CROCC2: variants seen among roughly 807,000 people sequenced by gnomAD.
CROCC2 encodes ciliary rootlet coiled-coil, rootletin family member 2, also known as ciliary rootlet coiled-coil protein 2.
CROCC2 carries 163 observed loss-of-function variants against 177.6 expected under a neutral mutation model. The ratio of observed to expected loss-of-function variants is 0.92; its 90% CI spans 0.81 to 1.05. The LOEUF is 1.05. Among genes scored for constraint, CROCC2 ranks in the 50% least tolerant of loss-of-function variants. CROCC2 has a pLI of 0.00. For synonymous variants in CROCC2, 904 were observed against 787.3 expected (o/e 1.15, Z -2.48); for missense variants, 1,929 against 1,797.8 (o/e 1.07, Z -1.32).
At chr2:240,975,719 CTTTTTTTTTTTTTTTT>C (rs55896940) in intron 27 of CROCC2, among the ~76,000 whole-genome samples, 1 of 88,008 alleles carries the variant, frequency 1.1e-5, no homozygotes, top group Non-Finnish European at 2.2e-5. Context: ...AACCAGCCTG[CTTTTTTTTTTTTTTTT>C]TTTTTTTTTT....
chr2:240,920,072 C>T lies in CROCC2; in HGVS notation c.319C>T (p.Leu107=), dbSNP rs1574747307. ...GGAGCTGACCCGGCTGGGGGACCTG[C>T]TGGCCCAGGCCAGCGCCGAGCGAGA... ...QEELTRLGDL[L]AQASAERDEL... is the part of the protein sequence containing the mutation. The change falls in exon 3 of 32, where the codon CTG becomes TTG. Residue 107 remains leucine, a synonymous_variant. Coordinates refer to ENST00000690015, the MANE Select transcript of CROCC2 (RefSeq NM_001351305.2). The T allele has an allele frequency of 1.4e-6, 1 of 715,180 alleles. No homozygotes were observed. The allele number at this position is 715,180 out of a possible 1,614,324, so 44.3% of individuals were successfully genotyped here. A position where few individuals can be genotyped will look rare whatever the true frequency, so the allele number is the denominator to read the frequency against.
intron 13 of CROCC2, 40 bp from the exon 14 acceptor site, chr2:240,935,318 T>TG (rs1471645243): frequency 1.5e-6 from 2 of 1,322,668 alleles, no homozygotes; most frequent in Non-Finnish European, 9.7e-7. Context: ...GGACCGAGGA[T>TG]GGGGGGAGTG....
chr2:240,968,930 A>G (rs1245383952), intron 27 of CROCC2, among the ~76,000 whole-genome samples: 1 of 152,156 alleles, frequency 6.6e-6, no homozygotes, highest in Non-Finnish European at 1.5e-5. Flanking sequence ...CCACAGGTCC[A>G]AGCAGCCCCC....
At chr2:240,923,040 C>T (rs1478737109) in intron 4 of CROCC2, among the ~76,000 whole-genome samples, 7 of 152,056 alleles carry the variant, frequency 4.6e-5, no homozygotes, top group African/African-American at 7.3e-5. Context: ...AGCTGCATCA[C>T]GATTGTACCC....
intron 14 of CROCC2, among the ~76,000 whole-genome samples, chr2:240,937,469 C>T (rs1005549996): frequency 6.6e-6 from 1 of 152,088 alleles, no homozygotes. Flanking sequence ...GTTGTGGCTG[C>T]CTGTACATTT....
intron 28 of CROCC2, 63 bp downstream of exon 28, chr2:240,983,092 A>C (rs1428247200): frequency 6.9e-7 from 1 of 1,456,240 alleles, no homozygotes; most frequent in African/African-American, 1.4e-5. Flanking sequence ...GCCTACAGGG[A>C]AGAGGCCCTG....
In CROCC2 at chr2:240,949,080, C is replaced by A. The variant is rs917550433; in HGVS notation, c.2465C>A (p.Ala822Glu). ...LEEEARSAGL[A>E]RQALQVEMEQ... ...GAGGAAGCCCGGAGCGCAGGACTCG[C>A]GCGGCAGGCCTTGCAAGGTGCTCCA... The change falls in exon 16 of 32, where the codon GCG becomes GAG. Residue 822 changes from alanine to glutamate, a missense_variant. By Grantham distance (107) the Ala-to-Glu change is moderately radical. Transcript: ENST00000690015. This position sits in a 1 kb window ranked among gnomAD's most constrained non-coding sequence, Gnocchi z 4.5. 6.5e-7 allele frequency: 1 copy of A among 1,544,466 alleles called. No homozygotes were observed. The highest frequency in any genetic ancestry group is 1.4e-5 in the African/African-American group (1 of 72,770).
At chr2:240,961,441 A>C (rs2059632602) in intron 20 of CROCC2, among the ~76,000 whole-genome samples, 2 of 151,970 alleles carry the variant, frequency 1.3e-5, no homozygotes, top group African/African-American at 4.8e-5. Flanking sequence ...GTGTGCGCAC[A>C]CATGCACATA....
Position 240,972,349 on chromosome 2 carries a change from G to A in CROCC2, c.4401+4087G>A, listed in dbSNP as rs2059726746. On this transcript the variant is annotated intron_variant, in intron 27 of 31. Coordinates refer to ENST00000690015, the MANE Select transcript of CROCC2 (RefSeq NM_001351305.2). The surrounding 1 kb of genome is among the most constrained non-coding windows in gnomAD (Gnocchi z 7.1). ...CCCGGAGCTGTTCTGTTCCTGAAGT[G>A]GGCGGGGTGGGAGCGGCGCTCTCCG... Among the ~76,000 whole-genome samples, 1 of 152,144 alleles carries A rather than the reference G, an allele frequency of 6.6e-6. No individual in the cohort carries two copies. The highest frequency in any genetic ancestry group is 2.1e-4 in the South Asian group (1 of 4,822).
intron 19 of CROCC2, chr2:240,959,099 TG>T: frequency 1.7e-6 from 1 of 578,756 alleles, no homozygotes; most frequent in Non-Finnish European, 3.0e-6. Context: ...TCAGGGGCCG[TG>T]GATGTCTCCT....
intron 14 of CROCC2, among the ~76,000 whole-genome samples, chr2:240,935,798 C>T (rs934757131): frequency 1.3e-5 from 2 of 152,198 alleles, no homozygotes; most frequent in African/African-American, 2.4e-5. Flanking sequence ...CAGGCCTGGC[C>T]ACCATATCCA....
rs1271907230 is a variant in CROCC2 at position 240,988,857 on chromosome 2, A to G, written c.4670A>G (p.Asn1557Ser). 12 of 1,485,548 alleles carry G rather than the reference A, an allele frequency of 8.1e-6. No individual in the cohort carries two copies. The highest frequency in any genetic ancestry group is 1.8e-4 in the Middle Eastern group (1 of 5,694). 92.0% of individuals were successfully genotyped at this position (1,485,548 alleles called of 1,614,324 possible). The change falls in exon 29 of 32, where the codon AAT becomes AGT. Residue 1557 changes from asparagine to serine, a missense_variant. Physicochemically the swap from Asn to Ser is conservative, Grantham distance 46. Around this residue, in one of 3 missense-constraint regions of CROCC2, gnomAD observed 388 missense variants for 352.7 expected, o/e 1.10. Transcript: ENST00000690015. ...HQEVDGALRQ[N>S]QQLQAQMTEM... is the part of the protein sequence containing the mutation. Reference sequence around the variant, plus strand: ...GAGGTGGACGGAGCCCTGAGGCAAAATCAGCAGCTGCAGGTCAACTGGGCC... The same window carrying G: ...GAGGTGGACGGAGCCCTGAGGCAAAGTCAGCAGCTGCAGGTCAACTGGGCC...
At chr2:240,909,519 C>T (rs2059274366) in intron 1 of CROCC2, among the ~76,000 whole-genome samples, 1 of 152,206 alleles carries the variant, frequency 6.6e-6, no homozygotes, top group Non-Finnish European at 1.5e-5. Flanking sequence ...ATTCTCATCC[C>T]CTCGGATGTC....
chr2:240,919,220 C>T (rs977259675), intron 2 of CROCC2, among the ~76,000 whole-genome samples: 23 of 151,932 alleles, frequency 1.5e-4, no homozygotes, highest in African/African-American at 5.1e-4. Flanking sequence ...TCACCCCCCA[C>T]AGGGCCACCC....
chr2:240,959,543 A>G, intron 20 of CROCC2, 99 bp downstream of exon 20: 1 of 1,416,084 alleles, frequency 7.1e-7, no homozygotes. Context: ...AGGAGGAAAG[A>G]GAGGCTGTAC....
intron 27 of CROCC2, 98 bp downstream of exon 27, chr2:240,968,360 G>T: frequency 7.3e-7 from 1 of 1,375,584 alleles, no homozygotes; most frequent in Non-Finnish European, 9.5e-7. Flanking sequence ...CCGGGAGGTG[G>T]GAGAGAGGGG....
rs1377374190 is a variant in CROCC2 at position 240,935,412 on chromosome 2, C to T, written c.1993C>T (p.Arg665Trp). 18 of 1,372,468 alleles carry T rather than the reference C, an allele frequency of 1.3e-5. No individual in the cohort carries two copies. Among genetic ancestry groups the T allele is most frequent in the Middle Eastern group, 2.3e-4 (1 of 4,282 alleles). 85.0% of individuals were successfully genotyped at this position (1,372,468 alleles called of 1,614,324 possible). A position where few individuals can be genotyped will look rare whatever the true frequency, so the allele number is the denominator to read the frequency against. ...REQRKTLEQE[R>W]ARAGEQLAQA... ...ACAGCGGAAGACTCTGGAGCAGGAACGGGCCCGGGCCGGGGAGCAGCTGGC... is the reference window on the plus strand; with the variant it reads ...ACAGCGGAAGACTCTGGAGCAGGAATGGGCCCGGGCCGGGGAGCAGCTGGC... The change falls in exon 14 of 32, where the codon CGG becomes TGG. Residue 665 changes from arginine (R) to tryptophan (W), a missense_variant. Physicochemically the swap from Arg to Trp is moderately radical, Grantham distance 101. Around this residue, in one of 3 missense-constraint regions of CROCC2, gnomAD observed 1,397 missense variants for 1,239.9 expected, o/e 1.13. Transcript: ENST00000690015.
At chr2:240,988,622 G>A in intron 28 of CROCC2, 117 bp from the exon 29 acceptor site, 1 of 1,110,532 alleles carries the variant, frequency 9.0e-7, no homozygotes, top group Non-Finnish European at 1.2e-6. Context: ...GACGCTGCCA[G>A]CTCTTAGGGG....
At chr2:240,970,287 C>T (rs2059711646) in intron 27 of CROCC2, among the ~76,000 whole-genome samples, 1 of 152,218 alleles carries the variant, frequency 6.6e-6, no homozygotes, top group African/African-American at 2.4e-5. Flanking sequence ...CTCTTGGCCT[C>T]TGCTTTTTTG....
Sources: gnomAD v4.1 joint callset for allele counts (sites outside exome capture counted in the v4.1 genomes callset) on GRCh38, gnomAD v4.1.1 for gene constraint, gnomAD v4.1.1 regional missense constraint, Gnocchi (gnomAD v3.1) non-coding constraint, MANE v1.5 for transcripts, NCBI Gene and HGNC (gene_info 2026-07-23, HGNC 2026-07-21) for gene names.